Variants in GREB1 observed in about 807,000 individuals in gnomAD.
GREB1 encodes the protein protein GREB1.
A neutral mutation model predicts 200.7 loss-of-function variants in GREB1; 106 were observed. That is an observed-to-expected ratio of 0.53 (90% confidence interval 0.45 to 0.62). The LOEUF is 0.62. Ranked by LOEUF, GREB1 falls within the 20% of genes least tolerant of loss-of-function variation. The pLI, the probability that GREB1 is intolerant of heterozygous loss-of-function variation, is 0.00. For synonymous variants in GREB1, 1,132 were observed against 1,092.4 expected (o/e 1.04, Z -0.72); for missense variants, 2,243 against 2,556.8 (o/e 0.88, Z 2.65).
At position 11,520,635 on chromosome 2, in the gene GREB1, T is replaced by C. The variant is rs112034566; in HGVS notation, c.-158-35822T>C. On this transcript the variant is annotated intron_variant, in intron 1 of 2. Coordinates refer to the GREB1 transcript ENST00000628795. ...CTCTCTCCTCTTTCCTTTTCCTCCT[T>C]CTTCTTGTATTATCCCTGATTACAG... Among the ~76,000 whole-genome samples the C allele has an allele frequency of 9.0e-3, 1,377 of 152,306 alleles. 19 individuals are homozygous for C. Among genetic ancestry groups the C allele is most frequent in the African/African-American group, 0.031 (1,303 of 41,564 alleles).
At chr2:11,612,063 G>A (rs533045587) in intron 18 of GREB1, among the ~76,000 whole-genome samples, 8 of 152,146 alleles carry the variant, frequency 5.3e-5, no homozygotes, top group South Asian at 4.2e-4. Context: ...ATGGGGTGGC[G>A]TGCGCCTGTA....
chr2:11,610,799 G>A lies in GREB1; in HGVS notation c.2778G>A (p.Val926=). Residue 926 remains valine (V), a synonymous_variant, in exon 18 of 33, where the codon GTG becomes GTA. Coordinates refer to ENST00000381486, the MANE Select transcript of GREB1 (RefSeq NM_014668.4). ...GLPQMKNYTS[V]ETLEITQNLL... ...CGCAGATGAAGAACTACACGTCGGT[G>A]GAGACGCTGGAGATCACGCAGAACC... 1.2e-6 allele frequency: 2 copies of A among 1,613,544 alleles called. No individual in the cohort carries two copies. The highest frequency in any genetic ancestry group is 1.7e-6 in the Non-Finnish European group (2 of 1,179,992).
At chr2:11,585,320 T>C in intron 8 of GREB1, 46 bp downstream of exon 8, 1 of 1,176,042 alleles carries the variant, frequency 8.5e-7, no homozygotes, top group Non-Finnish European at 1.2e-6. Context: ...TGGGTACTGG[T>C]GGTAGTGCTG....
At chr2:11,523,121 A>C (rs922022548) in intron 1 of GREB1, among the ~76,000 whole-genome samples, 2 of 152,212 alleles carry the variant, frequency 1.3e-5, no homozygotes, top group African/African-American at 4.8e-5. Context: ...GCAGACTAAC[A>C]CAGGAACAGA....
At chr2:11,537,624 A>G (rs975540961) in intron 1 of GREB1, among the ~76,000 whole-genome samples, 1 of 148,284 alleles carries the variant, frequency 6.7e-6, no homozygotes, top group Non-Finnish European at 1.5e-5. Context: ...AGTATATACT[A>G]TTTTAACATG....
At chr2:11,501,268 G>A (rs1010375744) in intron 1 of GREB1, among the ~76,000 whole-genome samples, 1 of 152,220 alleles carries the variant, frequency 6.6e-6, no homozygotes, top group Non-Finnish European at 1.5e-5. Context: ...TCGAAGCAGT[G>A]GTGGTGGGGA....
chr2:11,490,589 C>T (rs538143200), intron 1 of GREB1, among the ~76,000 whole-genome samples: 1 of 152,318 alleles, frequency 6.6e-6, no homozygotes, highest in East Asian at 1.9e-4. Context: ...CACTCTGTTG[C>T]CCAGGCTGGA....
At chr2:11,578,775 G>C (rs1305258397) in intron 6 of GREB1, among the ~76,000 whole-genome samples, 1 of 152,140 alleles carries the variant, frequency 6.6e-6, no homozygotes, top group African/African-American at 2.4e-5. Flanking sequence ...GCTAGAAGGG[G>C]TGGAAAAGAC....
intron 1 of GREB1, among the ~76,000 whole-genome samples, chr2:11,489,165 T>C (rs35925113): frequency 0.19 from 28,206 of 152,090 alleles, 3,022 homozygotes; most frequent in Middle Eastern, 0.31. Context: ...AATTCTACTT[T>C]GGGCCGGCCG....
At chr2:11,524,317 G>C (rs992108157) in intron 1 of GREB1, among the ~76,000 whole-genome samples, 2 of 152,284 alleles carry the variant, frequency 1.3e-5, no homozygotes, top group South Asian at 4.2e-4. Flanking sequence ...ATGCTAAACA[G>C]GTTGCAATGC....
chr2:11,615,976 C>G (rs139702236), intron 20 of GREB1, among the ~76,000 whole-genome samples: 1 of 152,184 alleles, frequency 6.6e-6, no homozygotes, highest in Non-Finnish European at 1.5e-5. Flanking sequence ...TCAGCTTGCT[C>G]GTCTGTAAAA....
In GREB1 at chr2:11,632,889, G is replaced by T; in HGVS notation, c.4817G>T (p.Gly1606Val). Residue 1606 changes from glycine to valine, a missense_variant and splice_region_variant, in exon 28 of 33, where the codon GGT (glycine) becomes GTT (valine). Transcript: ENST00000381486. ...LPSIFNSAGV[G>V]AAHFLIKELS... ...AGTCCAGGTGCTTTGCCCACTGCAG[G>T]TGCTGCTCATTTCCTCATCAAGGAG... 6.2e-7 allele frequency: 1 copy of T among 1,613,520 alleles called. No individual in the cohort carries two copies. Among genetic ancestry groups the T allele is most frequent in the Non-Finnish European group, 8.5e-7 (1 of 1,179,730 alleles).
At chr2:11,595,403 C>G in intron 12 of GREB1, 24 bp downstream of exon 12, 1 of 1,608,294 alleles carries the variant, frequency 6.2e-7, no homozygotes. Flanking sequence ...GAGACAGGTG[C>G]ACATGCGTAT....
intron 3 of GREB1, among the ~76,000 whole-genome samples, chr2:11,563,487 C>T (rs1030814751): frequency 3.3e-5 from 5 of 152,208 alleles, no homozygotes; most frequent in Non-Finnish European, 7.3e-5. Flanking sequence ...ATGAGCCACA[C>T]GACCTCTTTG....
At position 11,599,493 on chromosome 2, in the gene GREB1, C is replaced by T. The variant is rs62118314; in HGVS notation, c.2333+633C>T. Among the ~76,000 whole-genome samples the T allele has an allele frequency of 8.6e-3, 1,297 of 150,934 alleles. 10 individuals are homozygous for T. Among genetic ancestry groups the T allele is most frequent in the Non-Finnish European group, 0.015 (1,002 of 67,766 alleles). ...TAGCTGGGACTACAGGCACCTGTCT[C>T]CACGCCCAGCTAATTTCGTTTTTGT... On this transcript the variant is annotated intron_variant, in intron 15 of 32. Transcript: ENST00000381486.
At chr2:11,570,052 T>C (rs962815214) in intron 4 of GREB1, among the ~76,000 whole-genome samples, 6 of 152,200 alleles carry the variant, frequency 3.9e-5, no homozygotes, top group Non-Finnish European at 5.9e-5. Flanking sequence ...TGGGATTATT[T>C]TGAAACAAAT....
At chr2:11,484,448 TTGAG>T (rs1178844049) in intron 1 of GREB1, among the ~76,000 whole-genome samples, 1 of 152,096 alleles carries the variant, frequency 6.6e-6, no homozygotes, top group Non-Finnish European at 1.5e-5. Context: ...GCATTCTTTC[TTGAG>T]TAAGAAGTTA....
chr2:11,581,058 C>CCGTATGTACCA (rs1466730287), intron 7 of GREB1: 1 of 672,248 alleles, frequency 1.5e-6, no homozygotes, highest in South Asian at 1.7e-5. Flanking sequence ...TGCCAAGGAG[C>CCGTATGTACCA]AGTGAGACAC....
In GREB1 at chr2:11,483,440, G is replaced by GGT. The variant is rs151273001; in HGVS notation, c.-159+1074_-159+1075dup. 4.3e-3 allele frequency among the ~76,000 whole-genome samples: 645 copies of GGT among 150,806 alleles called. 7 individuals are homozygous for GGT. The highest frequency in any genetic ancestry group is 0.014 in the African/African-American group (595 of 41,236). On this transcript the variant is annotated intron_variant, in intron 1 of 2. Transcript: ENST00000628795. ...GTGACGGTGATAATCGTATTGCAAGGGTGTGTGTGTGTGTGTATCTGCCTC... is the reference window on the plus strand; with the variant it reads ...GTGACGGTGATAATCGTATTGCAAGGGTGTGTGTGTGTGTGTGTATCTGCCTC...
Sources: allele counts gnomAD v4.1 joint callset (sites outside exome capture counted in the v4.1 genomes callset), GRCh38; gene constraint gnomAD v4.1.1; transcripts MANE v1.5; gene names NCBI Gene and HGNC (gene_info 2026-07-23, HGNC 2026-07-21).